The following BTBD9 variants were observed in gnomAD, a reference collection of about 807,000 sequenced individuals.
BTBD9 encodes the protein BTB domain containing 9, also known as BTB/POZ domain-containing protein 9.
A neutral mutation model predicts 64.3 loss-of-function variants in BTBD9; 49 were observed. That is an observed-to-expected ratio of 0.76 (90% CI 0.61 to 0.97). The LOEUF is 0.97. BTBD9 is among the 50% of genes least tolerant of loss of function. The probability of loss-of-function intolerance (pLI) is 0.00; values close to 1 mark genes in which losing one functional copy is unlikely to be tolerated. For missense variants in BTBD9, 598 were observed against 762.1 expected (o/e 0.78, Z 2.53); for synonymous variants, 260 against 274.7 (o/e 0.95, Z 0.53).
At chr6:38,571,487 GAC>G (rs71543934) in intron 6 of BTBD9, among the ~76,000 whole-genome samples, 12,933 of 152,144 alleles carry the variant, frequency 0.085, 675 homozygotes, top group Middle Eastern at 0.18. Context: ...TGTATCTATT[GAC>G]ACCAGGAATG....
At chr6:38,456,490 C>A (rs1255988903) in intron 6 of BTBD9, among the ~76,000 whole-genome samples, 1 of 152,176 alleles carries the variant, frequency 6.6e-6, no homozygotes, top group Non-Finnish European at 1.5e-5. Flanking sequence ...CCCATCCTGA[C>A]AGGACTTGGT....
intron 7 of BTBD9, among the ~76,000 whole-genome samples, chr6:38,334,601 A>G (rs1166787641): frequency 1.4e-5 from 2 of 144,820 alleles, no homozygotes; most frequent in East Asian, 2.0e-4. Flanking sequence ...ATAACATAAC[A>G]TAACATAACA....
chr6:38,450,058 A>G (rs1769451835), intron 6 of BTBD9, among the ~76,000 whole-genome samples: 2 of 152,256 alleles, frequency 1.3e-5, no homozygotes, highest in Admixed American at 1.3e-4. Context: ...AAAATGTGAT[A>G]TAGATAGATA....
chr6:38,495,782 T>C (rs908930130), intron 6 of BTBD9, among the ~76,000 whole-genome samples: 1 of 151,718 alleles, frequency 6.6e-6, no homozygotes, highest in Non-Finnish European at 1.5e-5. Flanking sequence ...GGCGGGGGTA[T>C]AACAATGAAG....
chr6:38,481,650 G>C (rs1307253846), intron 6 of BTBD9: 1 of 152,228 alleles, frequency 6.6e-6, no homozygotes, highest in African/African-American at 2.4e-5. Flanking sequence ...CCATTTGCTA[G>C]CACCTGGCAG....
At chr6:38,255,725 C>G (rs1185940073) in intron 9 of BTBD9, among the ~76,000 whole-genome samples, 1 of 152,160 alleles carries the variant, frequency 6.6e-6, no homozygotes, top group Non-Finnish European at 1.5e-5. Context: ...AATATTGACG[C>G]TAGCCCTGAG....
chr6:38,354,209 G>A (rs1489647607), intron 6 of BTBD9, among the ~76,000 whole-genome samples: 3 of 152,110 alleles, frequency 2.0e-5, no homozygotes, highest in African/African-American at 7.2e-5. Flanking sequence ...GTGATAAAGA[G>A]AGCACAGGGA....
chr6:38,296,897 A>G (rs968231925), intron 7 of BTBD9, among the ~76,000 whole-genome samples: 5 of 152,120 alleles, frequency 3.3e-5, no homozygotes, highest in African/African-American at 1.2e-4. Flanking sequence ...AAAATCTTAG[A>G]TTTACTTTGT....
At chr6:38,360,918 G>A (rs1455347225) in intron 6 of BTBD9, among the ~76,000 whole-genome samples, 1 of 152,172 alleles carries the variant, frequency 6.6e-6, no homozygotes, top group East Asian at 1.9e-4. Context: ...ATGCTGCAAA[G>A]GGAAAGAGCC....
intron 9 of BTBD9, among the ~76,000 whole-genome samples, chr6:38,215,981 A>G (rs1322377153): frequency 1.3e-5 from 2 of 152,226 alleles, no homozygotes; most frequent in African/African-American, 4.8e-5. Context: ...CCCAGGGGGA[A>G]GGCCCTCAAT....
intron 1 of BTBD9, among the ~76,000 whole-genome samples, chr6:38,605,487 A>G (rs1777400822): frequency 6.6e-6 from 1 of 152,240 alleles, no homozygotes; most frequent in South Asian, 2.1e-4. Context: ...GGCTGAAGGT[A>G]GTGTCCTTAC....
At chr6:38,229,014 T>C (rs189572440) in intron 9 of BTBD9, among the ~76,000 whole-genome samples, 11 of 152,104 alleles carry the variant, frequency 7.2e-5, no homozygotes, top group Admixed American at 5.2e-4. Flanking sequence ...CTGGCCAACA[T>C]AGTGAAACCC....
At chr6:38,496,806 G>A (rs546140019) in intron 6 of BTBD9, among the ~76,000 whole-genome samples, 1 of 152,172 alleles carries the variant, frequency 6.6e-6, no homozygotes, top group Non-Finnish European at 1.5e-5. Flanking sequence ...GAGGCTTCTA[G>A]CTTTTGCCAG....
chr6:38,556,529 G>T (rs1177121782), intron 6 of BTBD9, among the ~76,000 whole-genome samples: 4 of 50,758 alleles, frequency 7.9e-5, no homozygotes, highest in Non-Finnish European at 1.4e-4. Context: ...GTGTGTGTGT[G>T]TGTGTGTGTG....
intron 8 of BTBD9, among the ~76,000 whole-genome samples, chr6:38,266,648 A>AG (rs1275041859): frequency 2.9e-5 from 4 of 135,934 alleles, no homozygotes; most frequent in African/African-American, 1.1e-4. Flanking sequence ...GAAAGAAAGA[A>AG]AGAAAGAAAG....
At chr6:38,573,084 AG>A (rs1775853279) in intron 6 of BTBD9, among the ~76,000 whole-genome samples, 1 of 152,122 alleles carries the variant, frequency 6.6e-6, no homozygotes, top group Non-Finnish European at 1.5e-5. Context: ...AGACAAAAAC[AG>A]GCTTTTCATA....
chr6:38,504,832 T>C (rs1772390075), intron 6 of BTBD9, among the ~76,000 whole-genome samples: 2 of 152,204 alleles, frequency 1.3e-5, no homozygotes, highest in Non-Finnish European at 2.9e-5. Context: ...GAAGCATCTA[T>C]GAACCATCAT....
intron 8 of BTBD9, among the ~76,000 whole-genome samples, chr6:38,273,933 A>C (rs562795503): frequency 1.5e-4 from 23 of 152,352 alleles, no homozygotes; most frequent in African/African-American, 5.3e-4. Flanking sequence ...GCCCAGTGGG[A>C]GACCAAAGAC....
At chr6:38,590,710 C>A (rs1247708187) in intron 4 of BTBD9, among the ~76,000 whole-genome samples, 5 of 152,148 alleles carry the variant, frequency 3.3e-5, no homozygotes, top group African/African-American at 1.2e-4. Flanking sequence ...TACAGACATA[C>A]CTAGTGTTCA....
Sources: allele counts gnomAD v4.1 joint callset (sites outside exome capture counted in the v4.1 genomes callset), GRCh38; gene constraint gnomAD v4.1.1; transcripts MANE v1.5; gene names NCBI Gene and HGNC (gene_info 2026-07-23, HGNC 2026-07-21).